WRNIP1: variants seen among roughly 807,000 people sequenced by gnomAD.
WRNIP1 encodes WRN helicase interacting protein 1, also known as ATPase WRNIP1.
WRNIP1 carries 41 observed loss-of-function variants against 56.1 expected under a neutral mutation model. The ratio of observed to expected loss-of-function variants is 0.73; its 90% CI spans 0.57 to 0.95. The LOEUF is 0.95. WRNIP1 is among the 40% of genes least tolerant of loss of function. WRNIP1 has a pLI of 0.00. For missense variants in WRNIP1, 1,170 were observed against 939.4 expected (o/e 1.25, Z -3.21); for synonymous variants, 547 against 398.1 (o/e 1.37, Z -4.45).
At chr6:2,767,137 C>A (rs1342277144) in intron 1 of WRNIP1, among the ~76,000 whole-genome samples, 1 of 152,172 alleles carries the variant, frequency 6.6e-6, no homozygotes, top group African/African-American at 2.4e-5. Flanking sequence ...GTGTCCAGTT[C>A]TGTGTCCCTT....
chr6:2,766,283 A>G lies in WRNIP1; in HGVS notation c.661A>G (p.Met221Val). Residue 221 changes from methionine to valine, a missense_variant, in exon 1 of 7, where the codon ATG (methionine) becomes GTG (valine). Transcript: ENST00000380773. Reference protein sequence around the residue: ...RALAAEEIRQMLQGKPLADTM... With the variant: ...RALAAEEIRQVLQGKPLADTM... ...GCTGGCTGCCGAGGAGATCCGACAGATGCTACAGGGCAAGCCGCTGGCCGA... is the reference window on the plus strand; with the variant it reads ...GCTGGCTGCCGAGGAGATCCGACAGGTGCTACAGGGCAAGCCGCTGGCCGA... 1 of 1,592,530 alleles carries G rather than the reference A, an allele frequency of 6.3e-7. No individual in the cohort carries two copies.
At chr6:2,773,422 G>C in intron 3 of WRNIP1, 4 of 985,426 alleles carry the variant, frequency 4.1e-6, no homozygotes, top group Non-Finnish European at 4.8e-6. Flanking sequence ...TAGATGAGGG[G>C]ATGCGGAGTT....
intron 5 of WRNIP1, 21 bp downstream of exon 5, chr6:2,783,582 C>A (rs777449265): frequency 1.4e-6 from 2 of 1,464,748 alleles, no homozygotes; most frequent in Admixed American, 2.0e-5. Context: ...TGGGAGGGTC[C>A]CGGAGTCCTA....
In WRNIP1 at chr6:2,765,858, C is replaced by T. The variant is rs987982890; in HGVS notation, c.236C>T (p.Ala79Val). 17 of 1,439,384 alleles carry T rather than the reference C, an allele frequency of 1.2e-5. No individual in the cohort carries two copies. Among genetic ancestry groups the T allele is most frequent in the Non-Finnish European group, 1.2e-5 (13 of 1,097,684 alleles). The allele number at this position is 1,439,384 out of a possible 1,614,324, so 89.2% of individuals were successfully genotyped here. ...AKRRRLSESS[A>V]LKQPATPTAA... is the part of the protein sequence containing the mutation. ...AGGCGGCGGCTGTCGGAGAGCTCGG[C>T]GCTGAAGCAGCCAGCCACCCCGACG... Residue 79 changes from alanine to valine, a missense_variant, in exon 1 of 7, where the codon GCG becomes GTG. Transcript: ENST00000380773.
In WRNIP1 at chr6:2,785,185, G is replaced by A. The variant is rs766496385; in HGVS notation, c.1901G>A (p.Gly634Asp). 3.7e-6 allele frequency: 6 copies of A among 1,614,086 alleles called. No individual in the cohort carries two copies. In the African/African-American group the frequency reaches 5.3e-5, roughly 14 times the overall value. The part of the protein sequence containing the change: ...RLMKDLGYGK[G>D]YKYNPMYSEP... ...ATGAAGGATTTGGGCTATGGCAAAGGCTACAAGTACAACCCCATGTACAGC... is the reference window on the plus strand; with the variant it reads ...ATGAAGGATTTGGGCTATGGCAAAGACTACAAGTACAACCCCATGTACAGC... Residue 634 changes from glycine to aspartate, a missense_variant, in exon 7 of 7, where the codon GGC becomes GAC. Physicochemically the swap from Gly to Asp is moderately conservative, Grantham distance 94. Transcript: ENST00000380773.
chr6:2,776,872 T>C (rs1257284859), intron 3 of WRNIP1, among the ~76,000 whole-genome samples: 1 of 152,240 alleles, frequency 6.6e-6, no homozygotes, highest in African/African-American at 2.4e-5. Flanking sequence ...CAAGGTAGTC[T>C]AGCAGAAGGT....
chr6:2,766,534 AG>A, intron 1 of WRNIP1, 90 bp downstream of exon 1: 4 of 1,413,960 alleles, frequency 2.8e-6, no homozygotes, highest in Non-Finnish European at 3.7e-6. Context: ...TGCCCTCGAA[AG>A]AAGCCGCCTG....
intron 2 of WRNIP1, among the ~76,000 whole-genome samples, chr6:2,769,436 T>C (rs1392740822): frequency 6.6e-6 from 1 of 152,114 alleles, no homozygotes; most frequent in African/African-American, 2.4e-5. Context: ...TAAAATTTTA[T>C]TGGGCTGAGA....
Position 2,785,089 on chromosome 6 carries a change from C to T in WRNIP1, c.1805C>T (p.Ala602Val). ...EVYSAYNNVKACLRNHQGPLP... is the reference protein window; with the variant it reads ...EVYSAYNNVKVCLRNHQGPLP... The stretch of plus-strand genomic sequence containing the variant: ...TACAGCGCCTACAACAACGTCAAAG[C>T]CTGCCTGAGGAACCACCAGGGGCCA... Residue 602 changes from alanine (A) to valine (V), a missense_variant, in exon 7 of 7, where the codon GCC becomes GTC. Physicochemically the swap from Ala to Val is moderately conservative, Grantham distance 64. Transcript: ENST00000380773. 1 of 1,614,198 alleles carries T rather than the reference C, an allele frequency of 6.2e-7. No individual in the cohort carries two copies. Among genetic ancestry groups the T allele is most frequent in the South Asian group, 1.1e-5 (1 of 91,086 alleles).
At position 2,766,062 on chromosome 6, in the gene WRNIP1, C is replaced by T. The variant is rs901768712; in HGVS notation, c.440C>T (p.Ala147Val). 3.1e-5 allele frequency: 40 copies of T among 1,294,436 alleles called. No homozygotes were observed. The highest frequency in any genetic ancestry group is 3.8e-5 in the Non-Finnish European group (39 of 1,025,736). The allele number at this position is 1,294,436 out of a possible 1,614,324, so 80.2% of individuals were successfully genotyped here. A position where few individuals can be genotyped will look rare whatever the true frequency, so the allele number is the denominator to read the frequency against. ...TCGGGGAAGAGGCCGGCGGCCGCCGCCGCGGCGGGGAGCGCGTCTCCGCGC... is the reference window on the plus strand; with the variant it reads ...TCGGGGAAGAGGCCGGCGGCCGCCGTCGCGGCGGGGAGCGCGTCTCCGCGC... Reference protein sequence around the residue: ...KGSGKRPAAAAAAGSASPRSW... With the variant: ...KGSGKRPAAAVAAGSASPRSW... The change falls in exon 1 of 7, where the codon GCC becomes GTC. Residue 147 changes from alanine (A) to valine (V), a missense_variant. Ala to Val is a moderately conservative substitution (Grantham distance 64). Transcript: ENST00000380773.
chr6:2,782,697 T>C (rs1039696084), intron 4 of WRNIP1, among the ~76,000 whole-genome samples: 3 of 152,242 alleles, frequency 2.0e-5, no homozygotes, highest in Non-Finnish European at 2.9e-5. Context: ...TTAGCTGTCA[T>C]TTTTTTGCCC....
Position 2,768,780 on chromosome 6 carries a change from T to G in WRNIP1, c.912T>G (p.Asp304Glu). The G allele has an allele frequency of 1.9e-6, 3 of 1,614,020 alleles. No homozygotes were observed. Among genetic ancestry groups the G allele is most frequent in the Non-Finnish European group, 2.5e-6 (3 of 1,179,942 alleles). ...CTGCAACAAATGCCAAGACAAATGA[T>G]GTGCGAGATGTCATAAAACAAGCTC... ...TLSATNAKTNDVRDVIKQAQN... is the reference protein window; with the variant it reads ...TLSATNAKTNEVRDVIKQAQN... The change falls in exon 2 of 7, where the codon GAT (aspartate) becomes GAG (glutamate). Residue 304 changes from aspartate to glutamate, a missense_variant. Transcript: ENST00000380773.
Position 2,766,317 on chromosome 6 carries a change from G to A in WRNIP1, c.695G>A (p.Arg232His). 2 of 1,610,472 alleles carry A rather than the reference G, an allele frequency of 1.2e-6. No individual in the cohort carries two copies. Among genetic ancestry groups the A allele is most frequent in the Non-Finnish European group, 1.7e-6 (2 of 1,178,994 alleles). The change falls in exon 1 of 7, where the codon CGT (arginine) becomes CAT (histidine). Residue 232 changes from arginine to histidine, a missense_variant. Arg to His is a conservative substitution (Grantham distance 29). Transcript: ENST00000380773. Reference sequence around the variant, plus strand: ...GGCAAGCCGCTGGCCGACACGATGCGTCCTGACACGCTGCAGGATTACTTC... The same window carrying A: ...GGCAAGCCGCTGGCCGACACGATGCATCCTGACACGCTGCAGGATTACTTC... ...LQGKPLADTMRPDTLQDYFGQ... is the reference protein window; with the variant it reads ...LQGKPLADTMHPDTLQDYFGQ...
chr6:2,767,655 C>T (rs143091356), intron 1 of WRNIP1, among the ~76,000 whole-genome samples: 1 of 152,220 alleles, frequency 6.6e-6, no homozygotes, highest in African/African-American at 2.4e-5. Flanking sequence ...CAGTATCATT[C>T]TTAGTAATTG....
intron 4 of WRNIP1, 44 bp from the exon 5 acceptor site, chr6:2,783,362 C>T: frequency 2.7e-6 from 4 of 1,491,986 alleles, no homozygotes; most frequent in Non-Finnish European, 2.7e-6. Context: ...GCTTGGGCGC[C>T]CCTCCTGTGA....
intron 4 of WRNIP1, among the ~76,000 whole-genome samples, chr6:2,781,933 C>G (rs935198054): frequency 6.6e-6 from 1 of 152,238 alleles, no homozygotes; most frequent in Non-Finnish European, 1.5e-5. Flanking sequence ...GCTTGGGGGT[C>G]CAGCCCAGGC....
Position 2,785,103 on chromosome 6 carries a change from C to T in WRNIP1, c.1819C>T (p.His607Tyr). ...YNNVKACLRN[H>Y]QGPLPPVPLH... ...CAACGTCAAAGCCTGCCTGAGGAACCACCAGGGGCCACTGCCCCCCGTGCC... is the reference window on the plus strand; with the variant it reads ...CAACGTCAAAGCCTGCCTGAGGAACTACCAGGGGCCACTGCCCCCCGTGCC... The change falls in exon 7 of 7, where the codon CAC (histidine) becomes TAC (tyrosine). Residue 607 changes from histidine (H) to tyrosine (Y), a missense_variant. Physicochemically the swap from His to Tyr is moderately conservative, Grantham distance 83. Transcript: ENST00000380773. 1 of 1,614,202 alleles carries T rather than the reference C, an allele frequency of 6.2e-7. No individual in the cohort carries two copies.
chr6:2,786,836 CTTG>C lies in WRNIP1; in HGVS notation c.*1558_*1560del, dbSNP rs1456181632. 4.6e-5 allele frequency: 7 copies of C among 152,288 alleles called. No individual in the cohort carries two copies. Among genetic ancestry groups the C allele is most frequent in the Middle Eastern group, 6.8e-3 (2 of 294 alleles). The allele number at this position is 152,288 out of a possible 1,614,324, so 9.4% of individuals were successfully genotyped here. On this transcript the variant is annotated 3_prime_UTR_variant, in exon 7 of 7. Coordinates refer to ENST00000380773, the MANE Select transcript of WRNIP1 (RefSeq NM_020135.3). ...GTGTTTTAAAAGTCTGCACTGGGTA[CTTG>C]TTGGGCCTTTCAATCTGGAAACTCC... is the stretch of plus-strand genomic sequence containing the variant.
At chr6:2,768,527 T>C (rs1004548371) in intron 1 of WRNIP1, among the ~76,000 whole-genome samples, 164 bp from the exon 2 acceptor site, 5 of 152,248 alleles carry the variant, frequency 3.3e-5, no homozygotes, top group African/African-American at 1.2e-4. Flanking sequence ...GTTGTTGTTT[T>C]TAAATGTCCT....
Sources: allele counts gnomAD v4.1 joint callset (sites outside exome capture counted in the v4.1 genomes callset), GRCh38; gene constraint gnomAD v4.1.1; transcripts MANE v1.5; gene names NCBI Gene and HGNC (gene_info 2026-07-23, HGNC 2026-07-21).